The following CDH6 variants were observed in gnomAD, a reference collection of about 807,000 sequenced individuals.
CDH6 encodes the protein cadherin 6, also known as cadherin-6.
A neutral mutation model predicts 78.0 loss-of-function variants in CDH6; 31 were observed. The observed-to-expected ratio is 0.40, with a 90% CI of 0.30 to 0.54. The LOEUF (loss-of-function observed/expected upper bound fraction) is 0.54. Among genes scored for constraint, CDH6 ranks in the 20% least tolerant of loss-of-function variants. The pLI is 0.56. For missense variants in CDH6, 724 were observed against 975.9 expected, an observed-to-expected ratio of 0.74 and a Z score of 3.44; for synonymous variants, 376 against 368.8, an observed-to-expected ratio of 1.02 and a Z score of -0.23.
chr5:31,276,177 T>C (rs1742688204), intron 2 of CDH6, among the ~76,000 whole-genome samples: 1 of 152,228 alleles, frequency 6.6e-6, no homozygotes, highest in African/African-American at 2.4e-5. Context: ...TCTTTCCATC[T>C]AGAATTGAAG....
In CDH6 at chr5:31,294,723, T is replaced by C. The variant is rs917551259; in HGVS notation, c.523+467T>C. 6.6e-6 allele frequency among the ~76,000 whole-genome samples: 1 copy of C among 152,194 alleles called. No homozygotes were observed. The highest frequency in any genetic ancestry group is 1.5e-5 in the Non-Finnish European group (1 of 68,024). ...ATATTTGGGAAGGAGATCAAAGAAC[T>C]TTTTTTAATCCATAAACAATAGGCA... On this transcript the variant is annotated intron_variant, in intron 3 of 11. Transcript: ENST00000265071. The surrounding 1 kb of genome is among the most constrained non-coding windows in gnomAD (Gnocchi z 4.1).
chr5:31,294,011 C>T lies in CDH6; in HGVS notation c.278C>T (p.Ser93Leu). ...RGDGSLKYIL[S>L]GDGAGDLFII... is the part of the protein sequence containing the mutation. ...GATGGATCACTTAAATATATCCTTT[C>T]AGGAGATGGAGCAGGAGATCTCTTC... The change falls in exon 3 of 12, where the codon TCA (serine) becomes TTA (leucine). Residue 93 changes from serine to leucine, a missense_variant. Transcript: ENST00000265071. This position sits in a 1 kb window ranked among gnomAD's most constrained non-coding sequence, Gnocchi z 4.1. 1 of 1,612,258 alleles carries T rather than the reference C, an allele frequency of 6.2e-7. No individual in the cohort carries two copies. Among genetic ancestry groups the T allele is most frequent in the Non-Finnish European group, 8.5e-7 (1 of 1,178,676 alleles).
At chr5:31,310,738 C>CTTGG (rs1476360172) in intron 7 of CDH6, among the ~76,000 whole-genome samples, 6 of 152,218 alleles carry the variant, frequency 3.9e-5, no homozygotes, top group Admixed American at 3.9e-4. Context: ...GCCACCAAGC[C>CTTGG]TTGGGTCTTG....
chr5:31,226,775 T>G (rs1393651339), intron 1 of CDH6, among the ~76,000 whole-genome samples: 1 of 152,198 alleles, frequency 6.6e-6, no homozygotes, highest in African/African-American at 2.4e-5. Flanking sequence ...TTTTGCTATT[T>G]TCAGAAACTG....
chr5:31,308,381 G>C (rs1377067509), intron 7 of CDH6, among the ~76,000 whole-genome samples: 3 of 150,730 alleles, frequency 2.0e-5, no homozygotes, highest in East Asian at 3.9e-4. Context: ...TTCCTGACTT[G>C]AGGATACATT....
At chr5:31,247,953 G>A (rs983874442) in intron 1 of CDH6, among the ~76,000 whole-genome samples, 1 of 152,132 alleles carries the variant, frequency 6.6e-6, no homozygotes, top group Admixed American at 6.5e-5. Flanking sequence ...TTATTTATTT[G>A]CTAAAATCTT....
intron 11 of CDH6, 68 bp from the exon 12 acceptor site, chr5:31,322,750 T>C: frequency 6.5e-7 from 1 of 1,532,000 alleles, no homozygotes; most frequent in South Asian, 1.3e-5. Context: ...GCACAGTGTT[T>C]CTTCCTGACA....
At chr5:31,204,911 T>C (rs1184849550) in intron 1 of CDH6, among the ~76,000 whole-genome samples, 2 of 152,224 alleles carry the variant, frequency 1.3e-5, no homozygotes, top group Non-Finnish European at 2.9e-5. Context: ...AATTTAGGTT[T>C]TACCTGATTG....
intron 7 of CDH6, among the ~76,000 whole-genome samples, chr5:31,307,479 C>T (rs1014688001): frequency 6.6e-6 from 1 of 152,162 alleles, no homozygotes; most frequent in African/African-American, 2.4e-5. Context: ...CTACAAGACA[C>T]TTTGAATTGG....
chr5:31,300,149 T>C (rs1326003046), intron 5 of CDH6, among the ~76,000 whole-genome samples: 1 of 152,208 alleles, frequency 6.6e-6, no homozygotes, highest in African/African-American at 2.4e-5. Context: ...TACCGAAAGT[T>C]GTCTCCAAAA....
chr5:31,270,054 TTAAAAA>T (rs1742477470), intron 2 of CDH6, among the ~76,000 whole-genome samples: 1 of 152,142 alleles, frequency 6.6e-6, no homozygotes, highest in Non-Finnish European at 1.5e-5. Context: ...TTTACCACAA[TTAAAAA>T]TAATAGAAAA....
Position 31,316,225 on chromosome 5 carries a change from A to C in CDH6, c.1408A>C (p.Ser470Arg). 2.5e-6 allele frequency: 4 copies of C among 1,608,498 alleles called. No individual in the cohort carries two copies. In the South Asian group the frequency reaches 4.5e-5, roughly 18 times the overall value. Reference sequence around the variant, plus strand: ...TGTGACAGATAATCCAAAGCAAAGTAGTCGAGTACCTCTATATATTAAAGT... The same window carrying C: ...TGTGACAGATAATCCAAAGCAAAGTCGTCGAGTACCTCTATATATTAAAGT... ...ATEINNPKQS[S>R]RVPLYIKVLD... Residue 470 changes from serine to arginine, a missense_variant, in exon 9 of 12, where the codon AGT (serine) becomes CGT (arginine). By Grantham distance (110) the Ser-to-Arg change is moderately radical (BLOSUM62 -1). Coordinates refer to ENST00000265071, the MANE Select transcript of CDH6 (RefSeq NM_004932.4).
intron 1 of CDH6, among the ~76,000 whole-genome samples, chr5:31,229,830 C>T (rs546563752): frequency 6.6e-5 from 10 of 152,228 alleles, no homozygotes; most frequent in African/African-American, 1.4e-4. Flanking sequence ...AGCATAATTA[C>T]GGGCTGAGGC....
At chr5:31,199,685 G>GTGTGTGTATATATATA (rs796740950) in intron 1 of CDH6, among the ~76,000 whole-genome samples, 13 of 79,854 alleles carry the variant, frequency 1.6e-4, no homozygotes, top group African/African-American at 5.7e-4. Flanking sequence ...GTGTGTGTGT[G>GTGTGTGTATATATATA]TATATATATA....
chr5:31,286,825 G>C (rs1240738017), intron 2 of CDH6, among the ~76,000 whole-genome samples: 1 of 152,144 alleles, frequency 6.6e-6, no homozygotes, highest in Non-Finnish European at 1.5e-5. Flanking sequence ...CAGTAGCATG[G>C]ACCAGGGTGA....
chr5:31,267,827 C>CT (rs1005809554), intron 2 of CDH6, 126 bp downstream of exon 2: 7,037 of 521,562 alleles, frequency 0.013, 3 homozygotes, highest in East Asian at 0.021. Context: ...ACTGGTAAGA[C>CT]TTTTTTTTTT....
chr5:31,272,346 T>A (rs1742551547), intron 2 of CDH6, among the ~76,000 whole-genome samples: 1 of 152,250 alleles, frequency 6.6e-6, no homozygotes, highest in South Asian at 2.1e-4. Context: ...ATTTTATTTT[T>A]GTACAAAATC....
At chr5:31,254,178 T>C (rs1741988420) in intron 1 of CDH6, among the ~76,000 whole-genome samples, 1 of 152,228 alleles carries the variant, frequency 6.6e-6, no homozygotes, top group African/African-American at 2.4e-5. Flanking sequence ...GGTTATCAAA[T>C]AGACTGTCCA....
rs1269813892 is a variant in CDH6, at chr5:31,327,162, T to C, written c.*3854T>C. ...CTGGAAATAGATATCCCACTGGGGA[T>C]AGTGGTGTGTAAACTATGACTTGGA... On this transcript the variant is annotated 3_prime_UTR_variant, in exon 12 of 12. Transcript: ENST00000265071. 11 of 184,350 alleles carry C rather than the reference T, an allele frequency of 6.0e-5. No individual in the cohort carries two copies. The highest frequency in any genetic ancestry group is 1.2e-4 in the Non-Finnish European group (10 of 86,906). The allele number at this position is 184,350 out of a possible 1,614,324, so 11.4% of individuals were successfully genotyped here. A position where few individuals can be genotyped will look rare whatever the true frequency, so the allele number is the denominator to read the frequency against.
Sources: allele counts gnomAD v4.1 joint callset (sites outside exome capture counted in the v4.1 genomes callset), GRCh38; gene constraint gnomAD v4.1.1; non-coding constraint Gnocchi (gnomAD v3.1); transcripts MANE v1.5; gene names NCBI Gene and HGNC (gene_info 2026-07-23, HGNC 2026-07-21).